ANKRD28: variants seen among roughly 807,000 people sequenced by gnomAD.
The protein encoded by ANKRD28 is ankyrin repeat domain 28, also known as serine/threonine-protein phosphatase 6 regulatory ankyrin repeat subunit A.
A neutral mutation model predicts 126.5 loss-of-function variants in ANKRD28; 44 were observed. The observed-to-expected ratio is 0.35, with a 90% CI of 0.27 to 0.45. ANKRD28 has a LOEUF of 0.45. Among genes scored for constraint, ANKRD28 ranks in the 20% least tolerant of loss-of-function variants. The pLI, the probability that ANKRD28 is intolerant of heterozygous loss-of-function variation, is 1.00. For synonymous variants in ANKRD28, 442 were observed against 468.5 expected, an observed-to-expected ratio of 0.94 and a Z score of 0.73; for missense variants, 1,110 against 1,316.6, an observed-to-expected ratio of 0.84 and a Z score of 2.43.
intron 11 of ANKRD28, among the ~76,000 whole-genome samples, chr3:15,711,581 A>G (rs1470010712): frequency 6.6e-6 from 1 of 152,222 alleles, no homozygotes; most frequent in Non-Finnish European, 1.5e-5. Context: ...GAACAGGCAA[A>G]TTTTATAGAG....
chr3:15,798,138 C>G (rs1330611176), upstream of ANKRD28: 1 of 985,248 alleles, frequency 1.0e-6, no homozygotes, highest in Non-Finnish European at 1.2e-6. Flanking sequence ...ACATTTTCCA[C>G]TAAAAGCCAC....
exon 1 of ANKRD28, chr3:15,859,705 C>CCCGCCGCTG (rs948188565): frequency 1.3e-5 from 2 of 152,918 alleles, no homozygotes; most frequent in Non-Finnish European, 2.9e-5. Context: ...GCCTGCCCTA[C>CCCGCCGCTG]CCGCCGCTGC....
At chr3:15,725,379 T>A (rs938603168) in intron 6 of ANKRD28, among the ~76,000 whole-genome samples, 1 of 152,226 alleles carries the variant, frequency 6.6e-6, no homozygotes, top group Admixed American at 6.5e-5. Flanking sequence ...CAATCTATCA[T>A]CTTCCTTTTG....
At position 15,796,583 on chromosome 3, in the gene ANKRD28, A is replaced by C; in HGVS notation, c.-62T>G. On this transcript the variant is annotated 5_prime_UTR_variant, in exon 1 of 28. Coordinates refer to ENST00000683139, the MANE Select transcript of ANKRD28 (RefSeq NM_001349278.2). Reference sequence around the variant, plus strand: ...TAAAAGTCACAGTTGGAAGAGCACAAGTAGTTTTTCCTCCTCTTCTGTACA... The same window carrying C: ...TAAAAGTCACAGTTGGAAGAGCACACGTAGTTTTTCCTCCTCTTCTGTACA... 1 of 1,223,258 alleles carries C rather than the reference A, an allele frequency of 8.2e-7. No homozygotes were observed. Among genetic ancestry groups the C allele is most frequent in the South Asian group, 1.4e-5 (1 of 70,820 alleles). The allele number at this position is 1,223,258 out of a possible 1,614,324, so 75.8% of individuals were successfully genotyped here. A position where few individuals can be genotyped will look rare whatever the true frequency, so the allele number is the denominator to read the frequency against.
chr3:15,834,124 A>G lies in ANKRD28; in HGVS notation c.27+25253T>C, dbSNP rs138684247. ...TATTTTTGTTTTTGAGGACTTGGTT[A>G]TAAATTATTTGCCTAGACCAATGTC... is the stretch of plus-strand genomic sequence containing the variant. On this transcript the variant is annotated intron_variant, in intron 1 of 27. Transcript: ENST00000399451. 5.2e-3 allele frequency among the ~76,000 whole-genome samples: 791 copies of G among 152,210 alleles called. 7 individuals carry two copies. Among genetic ancestry groups the G allele is most frequent in the African/African-American group, 0.018 (743 of 41,538 alleles).
chr3:15,696,234 T>C lies in ANKRD28; in HGVS notation c.1559A>G (p.Tyr520Cys), dbSNP rs780154140. 43 of 1,575,434 alleles carry C rather than the reference T, an allele frequency of 2.7e-5. No individual in the cohort carries two copies. The East Asian group carries it at 4.1e-4, about 15-fold the overall frequency. The change falls in exon 15 of 28, where the codon TAC (tyrosine) becomes TGC (cysteine). Residue 520 changes from tyrosine (Y) to cysteine (C), a missense_variant. Physicochemically the swap from Tyr to Cys is radical, Grantham distance 194. Transcript: ENST00000683139. ...TGGATTTGCATCGTTTCTTAATAAG[T>C]ATTCCAGGCACCTATATACAACAAC... ...TSDTDGKCLE[Y>C]LLRNDANPGI...
chr3:15,741,981 C>T (rs1041115125), intron 4 of ANKRD28, among the ~76,000 whole-genome samples: 5 of 152,042 alleles, frequency 3.3e-5, no homozygotes, highest in Admixed American at 6.5e-5. Context: ...GCGAGTGATC[C>T]GCCAGCCTCG....
intron 5 of ANKRD28, among the ~76,000 whole-genome samples, chr3:15,735,975 A>C (rs1233428028): frequency 6.6e-6 from 1 of 152,178 alleles, no homozygotes; most frequent in Non-Finnish European, 1.5e-5. Flanking sequence ...AACTAACCAT[A>C]TTTACAATAA....
intron 1 of ANKRD28, among the ~76,000 whole-genome samples, chr3:15,834,461 G>C (rs1214453371): frequency 3.9e-5 from 6 of 152,134 alleles, no homozygotes; most frequent in African/African-American, 1.2e-4. Flanking sequence ...TAGTCTTGCA[G>C]TATATTTTGA....
At chr3:15,773,792 T>C (rs955161057) in intron 2 of ANKRD28, among the ~76,000 whole-genome samples, 2 of 152,176 alleles carry the variant, frequency 1.3e-5, no homozygotes, top group African/African-American at 4.8e-5. Context: ...GCAATCACAA[T>C]AAAAATCCTC....
intron 4 of ANKRD28, among the ~76,000 whole-genome samples, chr3:15,749,095 GT>G (rs1357402514): frequency 4.7e-5 from 5 of 106,994 alleles, no homozygotes; most frequent in South Asian, 3.1e-4. Flanking sequence ...TCTATATTAT[GT>G]TTTTGTTTTT....
At chr3:15,736,563 T>C (rs2075030010) in intron 5 of ANKRD28, among the ~76,000 whole-genome samples, 1 of 152,234 alleles carries the variant, frequency 6.6e-6, no homozygotes, top group African/African-American at 2.4e-5. Context: ...CCCCAATCTT[T>C]GCTATGACAC....
Position 15,737,104 on chromosome 3 carries a change from T to G in ANKRD28, c.481A>C (p.Ser161Arg), listed in dbSNP as rs1401417496. The G allele has an allele frequency of 6.2e-7, 1 of 1,613,856 alleles. No homozygotes were observed. Among genetic ancestry groups the G allele is most frequent in the Non-Finnish European group, 8.5e-7 (1 of 1,179,896 alleles). The change falls in exon 5 of 28, where the codon AGT (serine) becomes CGT (arginine). Residue 161 changes from serine (S) to arginine (R), a missense_variant. By Grantham distance (110) the Ser-to-Arg change is moderately radical (BLOSUM62 -1). Transcript: ENST00000683139. ...GCTCGATCAGATACGTTTACATTAC[T>G]CAGAAGAGGTACCAAAGCTTCAGCA... is the stretch of plus-strand genomic sequence containing the variant. ...KCAEALVPLL[S>R]NVNVSDRAGR...
chr3:15,688,744 TGATAC>T (rs1395726396), intron 18 of ANKRD28, among the ~76,000 whole-genome samples: 1 of 152,222 alleles, frequency 6.6e-6, no homozygotes, highest in Admixed American at 6.5e-5. Flanking sequence ...CATCTGCCAG[TGATAC>T]GCAGTGGGTA....
chr3:15,813,351 G>A (rs1389284803), intron 1 of ANKRD28, among the ~76,000 whole-genome samples: 1 of 152,156 alleles, frequency 6.6e-6, no homozygotes, highest in African/African-American at 2.4e-5. Context: ...CTGGGCAACA[G>A]TGAGACCTTG....
At chr3:15,723,066 T>C (rs2073889856) in intron 7 of ANKRD28, among the ~76,000 whole-genome samples, 1 of 151,914 alleles carries the variant, frequency 6.6e-6, no homozygotes, top group Non-Finnish European at 1.5e-5. Context: ...ATAAAGTCAG[T>C]TTTAAAAATT....
chr3:15,687,965 T>C (rs1022260038), intron 18 of ANKRD28, among the ~76,000 whole-genome samples: 1 of 152,244 alleles, frequency 6.6e-6, no homozygotes, highest in Non-Finnish European at 1.5e-5. Context: ...GTTCTTTTCA[T>C]GGCTTATAGA....
At position 15,812,053 on chromosome 3, in the gene ANKRD28, T is replaced by G. The variant is rs2060724290; in HGVS notation, c.28-16747A>C. On this transcript the variant is annotated intron_variant, in intron 1 of 27. Coordinates refer to the ANKRD28 transcript ENST00000399451. The surrounding 1 kb of genome is among the most constrained non-coding windows in gnomAD (Gnocchi z 4.1). ...CTGTAGTCCCAGCTACTCAGGAGGC[T>G]GAGGTCGGAGAATCGCTTGAACCCA... Among the ~76,000 whole-genome samples the G allele has an allele frequency of 6.6e-6, 1 of 151,952 alleles. No homozygotes were observed. The highest frequency in any genetic ancestry group is 1.5e-5 in the Non-Finnish European group (1 of 67,996).
At chr3:15,697,750 T>C (rs1412234039) in intron 14 of ANKRD28, among the ~76,000 whole-genome samples, 1 of 152,228 alleles carries the variant, frequency 6.6e-6, no homozygotes, top group African/African-American at 2.4e-5. Flanking sequence ...CCTCATAAAA[T>C]GAGTTAGGGA....
Sources: allele counts gnomAD v4.1 joint callset (sites outside exome capture counted in the v4.1 genomes callset), GRCh38; gene constraint gnomAD v4.1.1; non-coding constraint Gnocchi (gnomAD v3.1); transcripts MANE v1.5; gene names NCBI Gene and HGNC (gene_info 2026-07-23, HGNC 2026-07-21).